C1orf21: variants seen among roughly 807,000 people sequenced by gnomAD.
C1orf21 encodes the protein chromosome 1 open reading frame 21.
C1orf21 carries 3 observed loss-of-function variants against 18.7 expected under a neutral mutation model. The observed-to-expected ratio is 0.16, with a 90% CI of 0.07 to 0.42. C1orf21 has a LOEUF of 0.42. Ranked by LOEUF, C1orf21 falls within the 10% of genes least tolerant of loss-of-function variation. The pLI is 0.99. For missense variants in C1orf21, 104 were observed against 143.6 expected (o/e 0.72, Z 1.41); for synonymous variants, 41 against 46.4 (o/e 0.88, Z 0.47).
chr1:184,515,927 C>T (rs1411690113), intron 3 of C1orf21, among the ~76,000 whole-genome samples: 2 of 152,300 alleles, frequency 1.3e-5, no homozygotes, highest in East Asian at 1.9e-4. Context: ...ATTCTCCTGC[C>T]TCAGCCTCCT....
At chr1:184,591,679 T>G (rs928636702) in intron 4 of C1orf21, among the ~76,000 whole-genome samples, 6 of 151,730 alleles carry the variant, frequency 4.0e-5, no homozygotes, top group Non-Finnish European at 5.9e-5. Flanking sequence ...GGTGGCGGGC[T>G]CCTGTAGTCC....
At chr1:184,512,529 T>A (rs961083838) in intron 3 of C1orf21, among the ~76,000 whole-genome samples, 1 of 152,230 alleles carries the variant, frequency 6.6e-6, no homozygotes, top group African/African-American at 2.4e-5. Flanking sequence ...AAGATGTTCA[T>A]TATCCCAGTT....
At position 184,494,552 on chromosome 1, in the gene C1orf21, G is replaced by A. The variant is rs535948087; in HGVS notation, c.95-13036G>A. On this transcript the variant is annotated intron_variant, in intron 2 of 5. Transcript: ENST00000235307. ...GAATGGAGATAATGAGATATGGGCG[G>A]GCTTGGGATATTGGGGAATGATTAA... Among the ~76,000 whole-genome samples, 4 of 152,214 alleles carry A rather than the reference G, an allele frequency of 2.6e-5. No individual in the cohort carries two copies. The South Asian group carries it at 8.3e-4, about 32-fold the overall frequency.
At chr1:184,476,644 C>T (rs1011028118) in intron 1 of C1orf21, among the ~76,000 whole-genome samples, 9 of 152,106 alleles carry the variant, frequency 5.9e-5, no homozygotes, top group Non-Finnish European at 7.4e-5. Context: ...TATGAGAAAT[C>T]GGTAGAAGCA....
intron 1 of C1orf21, among the ~76,000 whole-genome samples, chr1:184,445,169 C>T (rs547869715): frequency 3.2e-4 from 49 of 152,184 alleles, no homozygotes; most frequent in South Asian, 1.0e-3. Context: ...AGAGGACTGA[C>T]GTTAGTTTCC....
chr1:184,572,014 G>A (rs981284714), intron 3 of C1orf21, among the ~76,000 whole-genome samples: 1 of 152,090 alleles, frequency 6.6e-6, no homozygotes, highest in Admixed American at 6.5e-5. Flanking sequence ...GCATCTATTG[G>A]GCTCTTACCA....
intron 3 of C1orf21, chr1:184,566,923 A>G: frequency 9.7e-6 from 5 of 518,118 alleles, no homozygotes; most frequent in South Asian, 5.8e-5. Context: ...CTATAATACC[A>G]TCTCCTGTCA....
chr1:184,432,896 G>A (rs546059939), intron 1 of C1orf21, among the ~76,000 whole-genome samples: 1 of 152,232 alleles, frequency 6.6e-6, no homozygotes, highest in South Asian at 2.1e-4. Context: ...TTTCTTTATT[G>A]TATTTGATAA....
At chr1:184,548,811 A>C (rs1014879881) in intron 3 of C1orf21, among the ~76,000 whole-genome samples, 13 of 152,210 alleles carry the variant, frequency 8.5e-5, no homozygotes, top group African/African-American at 3.1e-4. Flanking sequence ...AGTACCTGTG[A>C]CTTTTCAACA....
intron 3 of C1orf21, among the ~76,000 whole-genome samples, chr1:184,564,091 G>A (rs1659001219): frequency 6.6e-6 from 1 of 152,138 alleles, no homozygotes; most frequent in African/African-American, 2.4e-5. Context: ...TACAGCCTGC[G>A]CTCTGACATT....
chr1:184,559,291 C>T (rs1053793223), intron 3 of C1orf21, among the ~76,000 whole-genome samples: 21 of 152,064 alleles, frequency 1.4e-4, no homozygotes, highest in African/African-American at 5.1e-4. Flanking sequence ...CTCTCTCCTG[C>T]TCCTGCTTTC....
intron 3 of C1orf21, chr1:184,567,374 C>A: frequency 2.0e-6 from 1 of 492,172 alleles, no homozygotes. Context: ...CACCTACCAG[C>A]TCTTGTTTGG....
At chr1:184,433,650 A>T (rs945603700) in intron 1 of C1orf21, among the ~76,000 whole-genome samples, 1 of 152,214 alleles carries the variant, frequency 6.6e-6, no homozygotes, top group African/African-American at 2.4e-5. Flanking sequence ...TAAACAGATA[A>T]GGTTAGTTTT....
intron 3 of C1orf21, among the ~76,000 whole-genome samples, chr1:184,572,785 C>G (rs1659130825): frequency 6.6e-6 from 1 of 152,080 alleles, no homozygotes; most frequent in Non-Finnish European, 1.5e-5. Flanking sequence ...AACCCCATCT[C>G]TACTGAAAAT....
At position 184,619,670 on chromosome 1, in the gene C1orf21, A is replaced by T; in HGVS notation, c.*114A>T. The stretch of plus-strand genomic sequence containing the variant: ...GCGAACAGCACTATAGCAAAAGAAG[A>T]TCGTTCCATATTGTACGCCCCATTA... On this transcript the variant is annotated 3_prime_UTR_variant, in exon 6 of 6. Coordinates refer to ENST00000235307, the MANE Select transcript of C1orf21 (RefSeq NM_030806.4). The T allele has an allele frequency of 1.1e-6, 1 of 889,514 alleles. No homozygotes were observed. The highest frequency in any genetic ancestry group is 2.6e-5 in the Admixed American group (1 of 38,526). The allele number at this position is 889,514 out of a possible 1,614,324, so 55.1% of individuals were successfully genotyped here.
At chr1:184,449,265 G>T (rs1450230819) in intron 1 of C1orf21, among the ~76,000 whole-genome samples, 1 of 132,124 alleles carries the variant, frequency 7.6e-6, no homozygotes, top group Non-Finnish European at 1.5e-5. Context: ...TGTTCTCATT[G>T]TTCAGTTCCC....
At chr1:184,415,404 C>T (rs1487614049) in intron 1 of C1orf21, among the ~76,000 whole-genome samples, 1 of 152,070 alleles carries the variant, frequency 6.6e-6, no homozygotes, top group African/African-American at 2.4e-5. Context: ...GCAACAGTTC[C>T]TGGGTTTTAC....
intron 3 of C1orf21, among the ~76,000 whole-genome samples, chr1:184,548,453 C>T (rs1032005877): frequency 9.9e-5 from 13 of 131,378 alleles, no homozygotes; most frequent in African/African-American, 3.4e-4. Context: ...CTCCCTCTGT[C>T]GCCCAGGCTG....
At position 184,407,396 on chromosome 1, in the gene C1orf21, A is replaced by G. The variant is rs148568572; in HGVS notation, c.-125+20028A>G. Among the ~76,000 whole-genome samples the G allele has an allele frequency of 8.6e-4, 131 of 152,362 alleles. 1 individual carries two copies. The highest frequency in any genetic ancestry group is 3.0e-3 in the African/African-American group (123 of 41,588). On this transcript the variant is annotated intron_variant, in intron 1 of 5. Transcript: ENST00000235307. Reference sequence around the variant, plus strand: ...AATAGGTACCTAAATGGTATTTACCATAATTGAATGAATATGCAGCTACAT... The same window carrying G: ...AATAGGTACCTAAATGGTATTTACCGTAATTGAATGAATATGCAGCTACAT...
Sources: allele counts gnomAD v4.1 joint callset (sites outside exome capture counted in the v4.1 genomes callset), GRCh38; gene constraint gnomAD v4.1.1; transcripts MANE v1.5; gene names NCBI Gene and HGNC (gene_info 2026-07-23, HGNC 2026-07-21).